DEUP1: variants seen among roughly 807,000 people sequenced by gnomAD.
The protein encoded by DEUP1 is coiled-coil domain containing 67.
Under a neutral mutation model 87.4 loss-of-function variants are expected in DEUP1, and 82 were observed. That is an observed-to-expected ratio of 0.94 (90% CI 0.78 to 1.13). The LOEUF (loss-of-function observed/expected upper bound fraction) is 1.13, where lower values mean the gene tolerates loss of function less well. DEUP1 is among the 50% of genes most tolerant of loss of function. The pLI, the probability that DEUP1 is intolerant of heterozygous loss-of-function variation, is 0.00. For synonymous variants in DEUP1, 214 were observed against 222.7 expected (o/e 0.96, Z 0.35); for missense variants, 663 against 681.5 (o/e 0.97, Z 0.30).
At position 93,363,083 on chromosome 11, in the gene DEUP1, T is replaced by C. The variant is rs143216797; in HGVS notation, c.298-1077T>C. Among the ~76,000 whole-genome samples, 20 of 152,014 alleles carry C rather than the reference T, an allele frequency of 1.3e-4. No homozygotes were observed. The East Asian group carries it at 3.3e-3, about 25-fold the overall frequency. ...CTATTCAGCACTAAAAAGGAATTCATGCATGGCTTTCACATTAAGCTGAGT... is the reference window on the plus strand; with the variant it reads ...CTATTCAGCACTAAAAAGGAATTCACGCATGGCTTTCACATTAAGCTGAGT... On this transcript the variant is annotated intron_variant, in intron 4 of 13. Coordinates refer to ENST00000298050, the MANE Select transcript of DEUP1 (RefSeq NM_181645.4).
At chr11:93,389,851 A>G (rs1946713916) in intron 9 of DEUP1, among the ~76,000 whole-genome samples, 1 of 152,032 alleles carries the variant, frequency 6.6e-6, no homozygotes, top group Non-Finnish European at 1.5e-5. Flanking sequence ...TCTAGTAAAT[A>G]TTGGCTCAGT....
At chr11:93,332,409 G>A (rs1217524208) in intron 2 of DEUP1, 121 bp downstream of exon 2, 2 of 724,414 alleles carry the variant, frequency 2.8e-6, no homozygotes, top group Non-Finnish European at 4.7e-6. Context: ...TTTTTGGTGA[G>A]GCGGATGAGA....
rs138783209 is a variant in DEUP1 at position 93,387,722 on chromosome 11, T to C, written c.936-1298T>C. ...AAATTGCTTAGGAAGAATTAAAAAA[T>C]ATGGAAATTTTTCACTCATTTCAAA... is the stretch of plus-strand genomic sequence containing the variant. On this transcript the variant is annotated intron_variant, in intron 8 of 13. Transcript: ENST00000298050. Among the ~76,000 whole-genome samples, 49 of 152,160 alleles carry C rather than the reference T, an allele frequency of 3.2e-4. No homozygotes were observed. The East Asian group carries it at 7.1e-3, about 22-fold the overall frequency.
At chr11:93,431,095 C>CAAAA (rs10534401) in intron 13 of DEUP1, among the ~76,000 whole-genome samples, 19 of 112,512 alleles carry the variant, frequency 1.7e-4, no homozygotes, top group African/African-American at 3.4e-4. Flanking sequence ...AACACTGTCT[C>CAAAA]AAAAAAAAAA....
intron 13 of DEUP1, 117 bp downstream of exon 13, chr11:93,415,231 A>G: frequency 1.8e-6 from 1 of 570,614 alleles, no homozygotes; most frequent in Non-Finnish European, 3.1e-6. Flanking sequence ...CACTCCTTGA[A>G]TAGGACTCCA....
intron 13 of DEUP1, among the ~76,000 whole-genome samples, chr11:93,416,560 C>G (rs1168849284): frequency 1.3e-5 from 2 of 151,712 alleles, no homozygotes; most frequent in East Asian, 3.9e-4. Context: ...CAAAAAGAGT[C>G]CAGGACCAGA....
At chr11:93,357,211 C>T (rs1037611863) in intron 4 of DEUP1, 168 bp downstream of exon 4, 2 of 523,848 alleles carry the variant, frequency 3.8e-6, no homozygotes, top group African/African-American at 4.0e-5. Context: ...TTGTCTCTTA[C>T]TAGATTGTTG....
At chr11:93,375,380 G>A (rs1960665) in intron 7 of DEUP1, among the ~76,000 whole-genome samples, 67,124 of 151,876 alleles carry the variant, frequency 0.44, 15,613 homozygotes, top group Admixed American at 0.6. Flanking sequence ...AGTTCTCAGG[G>A]AGAATGCTTT....
At chr11:93,416,994 A>C in intron 13 of DEUP1, among the ~76,000 whole-genome samples, 1 of 152,162 alleles carries the variant, frequency 6.6e-6, no homozygotes, top group East Asian at 1.9e-4. Context: ...TCATGCTAAA[A>C]ACTCTCAATA....
chr11:93,350,660 T>A (rs75198547), intron 2 of DEUP1, among the ~76,000 whole-genome samples: 2,266 of 152,054 alleles, frequency 0.015, 25 homozygotes, highest in East Asian at 0.062. Context: ...AAGAAATATT[T>A]GTAGAGGGGC....
chr11:93,361,501 G>C (rs1249961783), intron 4 of DEUP1, among the ~76,000 whole-genome samples: 1 of 151,964 alleles, frequency 6.6e-6, no homozygotes, highest in African/African-American at 2.4e-5. Context: ...GTTATAAATG[G>C]AACAGAGTAA....
chr11:93,420,121 T>C (rs1451203022), intron 13 of DEUP1, among the ~76,000 whole-genome samples: 1 of 152,152 alleles, frequency 6.6e-6, no homozygotes, highest in Non-Finnish European at 1.5e-5. Flanking sequence ...AATAAGAGAA[T>C]TTTAGACCAA....
chr11:93,360,095 A>G (rs1591132542), intron 4 of DEUP1, among the ~76,000 whole-genome samples: 1 of 152,202 alleles, frequency 6.6e-6, no homozygotes, highest in South Asian at 2.1e-4. Flanking sequence ...CACCCCCACT[A>G]TAGTATCACT....
chr11:93,406,215 A>G (rs997165715), intron 11 of DEUP1, among the ~76,000 whole-genome samples: 3 of 151,958 alleles, frequency 2.0e-5, no homozygotes, highest in Non-Finnish European at 4.4e-5. Flanking sequence ...ACACACTAAA[A>G]TTGAGTGTCT....
At chr11:93,388,486 T>C (rs1392939104) in intron 8 of DEUP1, among the ~76,000 whole-genome samples, 1 of 152,194 alleles carries the variant, frequency 6.6e-6, no homozygotes, top group Non-Finnish European at 1.5e-5. Flanking sequence ...TTTTCTCCTC[T>C]AATATTAATA....
At chr11:93,410,255 C>T (rs915125664) in intron 12 of DEUP1, among the ~76,000 whole-genome samples, 3 of 152,128 alleles carry the variant, frequency 2.0e-5, no homozygotes, top group African/African-American at 7.2e-5. Flanking sequence ...ACTGCCATCC[C>T]TAAAAAGCAT....
At chr11:93,361,845 A>G (rs755041879) in intron 4 of DEUP1, among the ~76,000 whole-genome samples, 19 of 152,128 alleles carry the variant, frequency 1.2e-4, no homozygotes, top group Non-Finnish European at 2.4e-4. Flanking sequence ...CAATAAATTA[A>G]AAAATGACAA....
At chr11:93,435,341 A>G (rs1293417033) in intron 13 of DEUP1, among the ~76,000 whole-genome samples, 2 of 152,154 alleles carry the variant, frequency 1.3e-5, no homozygotes, top group East Asian at 3.9e-4. Flanking sequence ...TGAAAGGGGA[A>G]ATCATGGTAT....
At chr11:93,431,741 T>G (rs983847490) in intron 13 of DEUP1, among the ~76,000 whole-genome samples, 2 of 152,086 alleles carry the variant, frequency 1.3e-5, no homozygotes, top group African/African-American at 2.4e-5. Flanking sequence ...AGCAACATAT[T>G]AGATCCAGGA....
Sources: gnomAD v4.1 joint callset for allele counts (sites outside exome capture counted in the v4.1 genomes callset) on GRCh38, gnomAD v4.1.1 for gene constraint, MANE v1.5 for transcripts, NCBI Gene and HGNC (gene_info 2026-07-23, HGNC 2026-07-21) for gene names.